Variants in LRBA observed in about 807,000 individuals in gnomAD.
The protein encoded by LRBA is lipopolysaccharide-responsive and beige-like anchor protein.
Under a neutral mutation model 330.0 loss-of-function variants are expected in LRBA, and 176 were observed. The ratio of observed to expected loss-of-function variants is 0.53; its 90% confidence interval spans 0.47 to 0.60. The LOEUF (loss-of-function observed/expected upper bound fraction) is 0.60. Ranked by LOEUF, LRBA falls within the 20% of genes least tolerant of loss-of-function variation. The probability of loss-of-function intolerance (pLI) is 0.00; values close to 1 mark genes in which losing one functional copy is unlikely to be tolerated. For missense variants in LRBA, 3,259 were observed against 3,444.8 expected (o/e 0.95, Z 1.35); for synonymous variants, 1,230 against 1,193.0 (o/e 1.03, Z -0.64).
At chr4:150,597,213 G>T (rs141136787) in intron 38 of LRBA, 256 of 531,618 alleles carry the variant, frequency 4.8e-4, no homozygotes, top group Non-Finnish European at 3.0e-5. Context: ...GTCTTAGGAT[G>T]ATAGTAAAAA....
chr4:150,708,995 AGTG>A (rs904214809), intron 36 of LRBA, among the ~76,000 whole-genome samples: 3 of 151,842 alleles, frequency 2.0e-5, no homozygotes, highest in African/African-American at 7.2e-5. Flanking sequence ...ATTCTACACT[AGTG>A]GTCACAATAA....
chr4:150,493,201 C>G (rs1460801321), intron 40 of LRBA, among the ~76,000 whole-genome samples: 1 of 152,112 alleles, frequency 6.6e-6, no homozygotes, highest in African/African-American at 2.4e-5. Context: ...CCAGGGTGGT[C>G]TTGAACTCCT....
At chr4:150,953,255 C>CT (rs746804797) in intron 2 of LRBA, among the ~76,000 whole-genome samples, 54 of 152,170 alleles carry the variant, frequency 3.5e-4, no homozygotes, top group Non-Finnish European at 6.9e-4. Context: ...TATAAACCAA[C>CT]TAACCTCACG....
chr4:150,761,394 C>G (rs548173434), intron 35 of LRBA, among the ~76,000 whole-genome samples: 1 of 151,944 alleles, frequency 6.6e-6, no homozygotes, highest in East Asian at 1.9e-4. Context: ...CTTGTCCCCC[C>G]TCCCATTATG....
At chr4:150,698,073 A>C (rs1253279713) in intron 36 of LRBA, among the ~76,000 whole-genome samples, 1 of 152,208 alleles carries the variant, frequency 6.6e-6, no homozygotes, top group East Asian at 1.9e-4. Flanking sequence ...TTTGCAAAAT[A>C]AAATACTTTG....
intron 46 of LRBA, among the ~76,000 whole-genome samples, chr4:150,430,304 C>T (rs7667511): frequency 0.87 from 132,580 of 152,148 alleles, 58,636 homozygotes; most frequent in Non-Finnish European, 0.96. Context: ...CCAATCACAG[C>T]GGTCTCTTAA....
At chr4:150,616,526 T>TAA (rs1775784646) in intron 37 of LRBA, among the ~76,000 whole-genome samples, 1 of 152,180 alleles carries the variant, frequency 6.6e-6, no homozygotes, top group African/African-American at 2.4e-5. Context: ...AAAAGTCAAG[T>TAA]AAGAAGAAAA....
At position 150,853,788 on chromosome 4, in the gene LRBA, G is replaced by A. The variant is rs571425614; in HGVS notation, c.2767-845C>T. Among the ~76,000 whole-genome samples, 5 of 152,174 alleles carry A rather than the reference G, an allele frequency of 3.3e-5. No homozygotes were observed. In the East Asian group the frequency reaches 9.7e-4, roughly 29 times the overall value. On this transcript the variant is annotated intron_variant, in intron 22 of 56. Coordinates refer to ENST00000651943, the MANE Select transcript of LRBA (RefSeq NM_001364905.1). Reference sequence around the variant, plus strand: ...ATATGATTTCCATTGGTGTTTCAATGGTAACCCCCATCACCCCTTGCAACA... The same window carrying A: ...ATATGATTTCCATTGGTGTTTCAATAGTAACCCCCATCACCCCTTGCAACA...
chr4:150,792,028 C>CAAA lies in LRBA; in HGVS notation c.5580+6050_5580+6052dup, dbSNP rs11389573. 7.4e-3 allele frequency among the ~76,000 whole-genome samples: 339 copies of CAAA among 45,704 alleles called. 8 individuals are homozygous for CAAA. The highest frequency in any genetic ancestry group is 0.015 in the African/African-American group (150 of 9,694). The allele number at this position is 45,704 out of a possible 152,430, so 30.0% of individuals were successfully genotyped here. Reference sequence around the variant, plus strand: ...TGGGCGACAGAGCAAGGCTCCATCTCAAAAAAAAAAAAAAAAAAAAAAAGA... The same window carrying CAAA: ...TGGGCGACAGAGCAAGGCTCCATCTCAAAAAAAAAAAAAAAAAAAAAAAAAAGA... On this transcript the variant is annotated intron_variant, in intron 34 of 56. Coordinates refer to ENST00000651943, the MANE Select transcript of LRBA (RefSeq NM_001364905.1).
intron 37 of LRBA, among the ~76,000 whole-genome samples, chr4:150,628,047 A>G (rs555918733): frequency 1.7e-4 from 26 of 152,188 alleles, no homozygotes; most frequent in Non-Finnish European, 3.5e-4. Context: ...TTTTGCTTTC[A>G]TCAATTCCAA....
chr4:150,890,657 A>T (rs1729363803), intron 17 of LRBA, among the ~76,000 whole-genome samples: 1 of 152,236 alleles, frequency 6.6e-6, no homozygotes, highest in Non-Finnish European at 1.5e-5. Context: ...ACAGGAATGG[A>T]TAAATTACAA....
At chr4:150,975,617 CAAT>C (rs1284072133) in intron 2 of LRBA, among the ~76,000 whole-genome samples, 2 of 149,972 alleles carry the variant, frequency 1.3e-5, no homozygotes, top group African/African-American at 4.9e-5. Context: ...TAGAAGTATT[CAAT>C]GGAGAAAACT....
intron 38 of LRBA, among the ~76,000 whole-genome samples, chr4:150,591,635 G>T: frequency 6.6e-6 from 1 of 152,146 alleles, no homozygotes; most frequent in East Asian, 1.9e-4. Context: ...CAGAAAGCCT[G>T]GGATGAGAGG....
At chr4:150,904,372 C>T (rs1372845754) in intron 13 of LRBA, among the ~76,000 whole-genome samples, 5 of 152,126 alleles carry the variant, frequency 3.3e-5, no homozygotes, top group African/African-American at 2.4e-5. Flanking sequence ...GATAAAACCC[C>T]TTGTGGATAC....
chr4:150,268,399 A>C lies in LRBA; in HGVS notation c.8469-2587T>G, dbSNP rs193222132. ...TCTCAATTTCTTCTTCCAAAAAATT[A>C]AAGAATCCAGAACACTTCCTAAGTG... On this transcript the variant is annotated intron_variant, in intron 56 of 56. Transcript: ENST00000651943. Among the ~76,000 whole-genome samples, 339 of 152,336 alleles carry C rather than the reference A, an allele frequency of 2.2e-3. 2 individuals carry two copies. Among genetic ancestry groups the C allele is most frequent in the African/African-American group, 7.7e-3 (320 of 41,572 alleles).
chr4:150,579,806 G>A, intron 40 of LRBA: 2 of 443,686 alleles, frequency 4.5e-6, no homozygotes, highest in Non-Finnish European at 9.1e-6. Context: ...CCCTGAGGCT[G>A]TTTGCAAACA....
chr4:150,268,942 G>GTCTC (rs1175671850), intron 56 of LRBA, among the ~76,000 whole-genome samples: 1 of 152,154 alleles, frequency 6.6e-6, no homozygotes, highest in East Asian at 1.9e-4. Flanking sequence ...GAGTGAAACT[G>GTCTC]TCTCTGTTTA....
At chr4:150,418,723 AT>A (rs1226613771) in intron 46 of LRBA, among the ~76,000 whole-genome samples, 3 of 152,122 alleles carry the variant, frequency 2.0e-5, no homozygotes, top group African/African-American at 7.2e-5. Flanking sequence ...TTCACCTTTA[AT>A]TTTAAGAGAG....
chr4:150,778,807 A>AT (rs1336241386), intron 34 of LRBA, among the ~76,000 whole-genome samples: 9 of 152,182 alleles, frequency 5.9e-5, no homozygotes, highest in Admixed American at 1.3e-4. Context: ...CTTCAGACAT[A>AT]TGGCAATTGC....
Sources: allele counts gnomAD v4.1 joint callset (sites outside exome capture counted in the v4.1 genomes callset), GRCh38; gene constraint gnomAD v4.1.1; transcripts MANE v1.5; gene names NCBI Gene and HGNC (gene_info 2026-07-23, HGNC 2026-07-21).